The following TRPC4 variants were observed in gnomAD, a reference collection of about 807,000 sequenced individuals.
TRPC4 encodes the protein short transient receptor potential channel 4.
A neutral mutation model predicts 99.4 loss-of-function variants in TRPC4; 49 were observed. That is an observed-to-expected ratio of 0.49 (90% CI 0.39 to 0.63). The LOEUF is 0.63. TRPC4 is among the 20% of genes least tolerant of loss of function. The pLI is 0.00. For synonymous variants in TRPC4, 454 were observed against 425.9 expected, an observed-to-expected ratio of 1.07 and a Z score of -0.81; for missense variants, 898 against 1,152.9, an observed-to-expected ratio of 0.78 and a Z score of 3.20.
intron 2 of TRPC4, among the ~76,000 whole-genome samples, chr13:37,759,222 C>A (rs566146859): frequency 6.6e-6 from 1 of 151,540 alleles, no homozygotes; most frequent in South Asian, 2.1e-4. Context: ...AATCTTCTAC[C>A]CAAGCAAAGT....
At chr13:37,715,904 A>G (rs1251196175) in intron 3 of TRPC4, among the ~76,000 whole-genome samples, 1 of 152,200 alleles carries the variant, frequency 6.6e-6, no homozygotes, top group Non-Finnish European at 1.5e-5. Flanking sequence ...TATCCCTGCC[A>G]ACCTATGACA....
intron 3 of TRPC4, among the ~76,000 whole-genome samples, chr13:37,733,359 A>G (rs1235616725): frequency 6.6e-6 from 1 of 152,168 alleles, no homozygotes. Flanking sequence ...ATTCAAGAGA[A>G]GGGAAATTAG....
At chr13:37,761,777 C>A (rs1004464920) in intron 2 of TRPC4, among the ~76,000 whole-genome samples, 2 of 151,826 alleles carry the variant, frequency 1.3e-5, no homozygotes, top group African/African-American at 4.8e-5. Flanking sequence ...TCATTTGTTT[C>A]TCCTCACATA....
intron 2 of TRPC4, among the ~76,000 whole-genome samples, chr13:37,761,967 A>G (rs1956234232): frequency 6.6e-6 from 1 of 151,912 alleles, no homozygotes; most frequent in African/African-American, 2.4e-5. Flanking sequence ...CTATATATAC[A>G]TCAGGAATAA....
In TRPC4 at chr13:37,639,127, T is replaced by G; in HGVS notation, c.2124A>C (p.Glu708Asp). The G allele has an allele frequency of 6.2e-7, 1 of 1,613,684 alleles. No individual in the cohort carries two copies. The highest frequency in any genetic ancestry group is 8.5e-7 in the Non-Finnish European group (1 of 1,179,634). Residue 708 changes from glutamate (E) to aspartate (D), a missense_variant and splice_region_variant, in exon 10 of 11, where the codon GAA becomes GAC. Physicochemically the swap from Glu to Asp is conservative, Grantham distance 45. Transcript: ENST00000379705. ...DNLRRHHQYQ[E>D]VMRNLVKRYV... Reference sequence around the variant, plus strand: ...ATCGCTTCACCAGGTTCCTCATAACTTCCTGAGGCATTTTAGAACAAGAGT... The same window carrying G: ...ATCGCTTCACCAGGTTCCTCATAACGTCCTGAGGCATTTTAGAACAAGAGT...
rs781609904 is a variant in TRPC4, at chr13:37,692,287, C to T, written c.946G>A (p.Asp316Asn). The T allele has an allele frequency of 1.4e-5, 22 of 1,613,960 alleles. No homozygotes were observed. The highest frequency in any genetic ancestry group is 3.3e-4 in the Middle Eastern group (2 of 6,082). ...CQQLLASRWY[D>N]EFPGWRRRHW... The stretch of plus-strand genomic sequence containing the variant: ...CTTCTCCTCCAGCCTGGAAACTCAT[C>T]GTACCAGCGAGATGCCAGCAGCTGT... The change falls in exon 4 of 11, where the codon GAT (aspartate) becomes AAT (asparagine). Residue 316 changes from aspartate (D) to asparagine (N), a missense_variant. Asp to Asn is a conservative substitution (Grantham distance 23). Transcript: ENST00000379705.
intron 8 of TRPC4, among the ~76,000 whole-genome samples, chr13:37,642,158 A>G (rs1296437043): frequency 6.6e-6 from 1 of 152,194 alleles, no homozygotes; most frequent in Non-Finnish European, 1.5e-5. Flanking sequence ...ATAGAGTAAG[A>G]GAATACTTCT....
At chr13:37,869,035 G>A (rs965641301) in intron 1 of TRPC4, among the ~76,000 whole-genome samples, 1 of 152,114 alleles carries the variant, frequency 6.6e-6, no homozygotes, top group Non-Finnish European at 1.5e-5. Flanking sequence ...ACTAGCCTGG[G>A]TCGGGCAACA....
At chr13:37,753,844 A>G (rs980319359) in intron 2 of TRPC4, among the ~76,000 whole-genome samples, 16 of 152,132 alleles carry the variant, frequency 1.1e-4, no homozygotes, top group African/African-American at 2.7e-4. Flanking sequence ...CTTGCATCCA[A>G]TTAGGGCCAA....
At chr13:37,698,837 G>A (rs975792239) in intron 3 of TRPC4, among the ~76,000 whole-genome samples, 2 of 152,090 alleles carry the variant, frequency 1.3e-5, no homozygotes, top group Admixed American at 6.6e-5. Context: ...AAACAGACTG[G>A]GATTCAGTGG....
intron 1 of TRPC4, among the ~76,000 whole-genome samples, chr13:37,823,755 G>A (rs1958101562): frequency 7.0e-6 from 1 of 143,746 alleles, no homozygotes; most frequent in African/African-American, 2.5e-5. Context: ...GGCGATGCGG[G>A]CTCTTTTTTG....
intron 2 of TRPC4, among the ~76,000 whole-genome samples, chr13:37,759,507 C>A (rs1334583846): frequency 1.3e-5 from 2 of 151,764 alleles, no homozygotes; most frequent in African/African-American, 4.8e-5. Flanking sequence ...ATGAGACATA[C>A]TTAACATCAC....
intron 2 of TRPC4, among the ~76,000 whole-genome samples, chr13:37,762,376 C>G (rs998449230): frequency 6.6e-6 from 1 of 151,652 alleles, no homozygotes; most frequent in African/African-American, 2.4e-5. Flanking sequence ...GTTATATACC[C>G]AAAGGACTAT....
chr13:37,817,952 A>G (rs1669239700), intron 1 of TRPC4, among the ~76,000 whole-genome samples: 1 of 152,014 alleles, frequency 6.6e-6, no homozygotes, highest in African/African-American at 2.4e-5. Context: ...AACCTAGGTA[A>G]TACTATTTAG....
At chr13:37,786,281 G>A (rs1956965515) in intron 1 of TRPC4, among the ~76,000 whole-genome samples, 1 of 131,196 alleles carries the variant, frequency 7.6e-6, no homozygotes, top group Non-Finnish European at 1.6e-5. Context: ...AACACTCACA[G>A]GGAGAAAGAC....
chr13:37,636,676 T>C lies in TRPC4; in HGVS notation c.*227A>G. The stretch of plus-strand genomic sequence containing the variant: ...AAGAATACAAGGTGCATTTATTTAT[T>C]AACAAAAACAATTGTAAGACAAATT... On this transcript the variant is annotated 3_prime_UTR_variant, in exon 11 of 11. Transcript: ENST00000379705. The C allele has an allele frequency of 2.3e-6, 1 of 435,980 alleles. No individual in the cohort carries two copies. The highest frequency in any genetic ancestry group is 3.9e-6 in the Non-Finnish European group (1 of 254,328). 27.0% of individuals were successfully genotyped at this position (435,980 alleles called of 1,614,324 possible).
chr13:37,655,007 C>T (rs899424593), intron 7 of TRPC4, 81 bp downstream of exon 7: 18 of 1,099,226 alleles, frequency 1.6e-5, no homozygotes, highest in African/African-American at 1.5e-4. Flanking sequence ...ATTTTATTTA[C>T]GATGATAAGA....
rs1953744258 is a variant in TRPC4 at position 37,692,348 on chromosome 13, G to A, written c.898-13C>T. The A allele has an allele frequency of 6.2e-7, 1 of 1,600,442 alleles. No individual in the cohort carries two copies. Among genetic ancestry groups the A allele is most frequent in the African/African-American group, 1.3e-5 (1 of 74,562 alleles). ...GCTGGGCAACAAACTAAACAGAAGG[G>A]AAAGGAAAAGGAAAAATAAGTCACA... On this transcript the variant is annotated splice_polypyrimidine_tract_variant and intron_variant, in intron 3 of 10. Coordinates refer to ENST00000379705, the MANE Select transcript of TRPC4 (RefSeq NM_016179.4).
At chr13:37,749,470 C>T (rs1007887957) in intron 2 of TRPC4, among the ~76,000 whole-genome samples, 1 of 152,024 alleles carries the variant, frequency 6.6e-6, no homozygotes, top group Non-Finnish European at 1.5e-5. Context: ...AGCTGGACTC[C>T]GTGGGGGACT....
Sources: allele counts gnomAD v4.1 joint callset (sites outside exome capture counted in the v4.1 genomes callset), GRCh38; gene constraint gnomAD v4.1.1; transcripts MANE v1.5; gene names NCBI Gene and HGNC (gene_info 2026-07-23, HGNC 2026-07-21).